PTPRN2: variants seen among roughly 807,000 people sequenced by gnomAD.
PTPRN2 encodes the protein protein tyrosine phosphatase receptor type N2.
In PTPRN2, 74 loss-of-function variants were observed where a neutral mutation model predicts 118.8. That is an observed-to-expected ratio of 0.62 (90% CI 0.52 to 0.76). The LOEUF is 0.76. PTPRN2 is among the 30% of genes least tolerant of loss of function. The pLI is 0.00. For synonymous variants in PTPRN2, 641 were observed against 608.0 expected, an observed-to-expected ratio of 1.05 and a Z score of -0.80; for missense variants, 1,481 against 1,394.4, an observed-to-expected ratio of 1.06 and a Z score of -0.99.
At chr7:158,034,751 C>T (rs981749621) in intron 11 of PTPRN2, among the ~76,000 whole-genome samples, 4 of 152,234 alleles carry the variant, frequency 2.6e-5, no homozygotes, top group African/African-American at 9.6e-5. Flanking sequence ...GTCCCCCAAA[C>T]ACAACAGGGC....
chr7:158,479,062 T>C (rs1319056829), intron 2 of PTPRN2, among the ~76,000 whole-genome samples: 1 of 151,852 alleles, frequency 6.6e-6, no homozygotes, highest in African/African-American at 2.4e-5. Context: ...CGAGTGAGTG[T>C]TTCGGGGGCA....
chr7:157,769,610 T>C (rs949142654), intron 12 of PTPRN2, among the ~76,000 whole-genome samples: 4 of 152,196 alleles, frequency 2.6e-5, no homozygotes, highest in African/African-American at 9.6e-5. Context: ...GGCTTGGCTT[T>C]AGCCACGCCA....
In PTPRN2 at chr7:158,015,984, C is replaced by T. The variant is rs909290544; in HGVS notation, c.1723+65314G>A. Among the ~76,000 whole-genome samples the T allele has an allele frequency of 6.6e-6, 1 of 152,126 alleles. No individual in the cohort carries two copies. The highest frequency in any genetic ancestry group is 2.4e-5 in the African/African-American group (1 of 41,420). ...CTGTGGGGTCCCAGTGTGTCACCTGCGTGGCCTTTTCAGGTTCTGGGGGCC... is the reference window on the plus strand; with the variant it reads ...CTGTGGGGTCCCAGTGTGTCACCTGTGTGGCCTTTTCAGGTTCTGGGGGCC... On this transcript the variant is annotated intron_variant, in intron 11 of 22. Coordinates refer to ENST00000389418, the MANE Select transcript of PTPRN2 (RefSeq NM_002847.5). This position sits in a 1 kb window ranked among gnomAD's most constrained non-coding sequence, Gnocchi z 4.2.
chr7:157,917,011 C>T (rs1416704472), intron 11 of PTPRN2, among the ~76,000 whole-genome samples: 9 of 142,886 alleles, frequency 6.3e-5, no homozygotes, highest in East Asian at 2.1e-4. Context: ...CCGGCCACTC[C>T]GGGACACGTC....
At chr7:158,346,082 T>A (rs138043636) in intron 2 of PTPRN2, among the ~76,000 whole-genome samples, 8 of 152,356 alleles carry the variant, frequency 5.3e-5, no homozygotes, top group African/African-American at 1.9e-4. Flanking sequence ...ATGCTATGAT[T>A]TATGAATACA....
chr7:158,069,096 A>C (rs12112434), intron 11 of PTPRN2, among the ~76,000 whole-genome samples: 34,380 of 152,122 alleles, frequency 0.23, 4,093 homozygotes, highest in South Asian at 0.36. Context: ...CTTGACACTG[A>C]AGACAGTCCA....
At chr7:157,642,663 A>C (rs1413459714) in intron 14 of PTPRN2, among the ~76,000 whole-genome samples, 1 of 151,998 alleles carries the variant, frequency 6.6e-6, no homozygotes, top group Non-Finnish European at 1.5e-5. Context: ...TCCTCCCACA[A>C]CCGTTAATTC....
At chr7:158,006,674 C>T (rs1438061403) in intron 11 of PTPRN2, among the ~76,000 whole-genome samples, 1 of 152,216 alleles carries the variant, frequency 6.6e-6, no homozygotes, top group Admixed American at 6.5e-5. Context: ...TTGGGAGCCA[C>T]CTGGTGTGGC....
rs1035948759 is a variant in PTPRN2, at chr7:157,990,604, C to G, written c.1723+90694G>C. On this transcript the variant is annotated intron_variant, in intron 11 of 22. Transcript: ENST00000389418. The surrounding 1 kb of genome is among the most constrained non-coding windows in gnomAD (Gnocchi z 4.3). ...GACATCGGTGGATGGGGGAGCAGGG[C>G]AGGCTGGGGGTCAGGGCTCAGGGCG... Among the ~76,000 whole-genome samples, 15 of 152,240 alleles carry G rather than the reference C, an allele frequency of 9.9e-5. No homozygotes were observed. Among genetic ancestry groups the G allele is most frequent in the African/African-American group, 3.4e-4 (14 of 41,550 alleles).
chr7:158,123,405 C>T (rs1042729844), intron 9 of PTPRN2, among the ~76,000 whole-genome samples: 30 of 152,194 alleles, frequency 2.0e-4, no homozygotes, highest in African/African-American at 6.5e-4. Flanking sequence ...GTGACCGACG[C>T]CGCAGTGACC....
Position 158,509,149 on chromosome 7 carries a change from G to A in PTPRN2, c.113-19364C>T, listed in dbSNP as rs184910774. On this transcript the variant is annotated intron_variant, in intron 1 of 22. Transcript: ENST00000389418. This position sits in a 1 kb window ranked among gnomAD's most constrained non-coding sequence, Gnocchi z 4.4. ...GAAGGATGAGCTTCTGTTGAAGAGA[G>A]AGGCGCCACACACAGCCTCCACGCA... 6.6e-6 allele frequency among the ~76,000 whole-genome samples: 1 copy of A among 152,240 alleles called. No homozygotes were observed. The highest frequency in any genetic ancestry group is 1.5e-5 in the Non-Finnish European group (1 of 68,014).
chr7:157,800,946 C>T (rs1373085336), intron 12 of PTPRN2, among the ~76,000 whole-genome samples: 5 of 149,924 alleles, frequency 3.3e-5, no homozygotes, highest in South Asian at 2.1e-4. Flanking sequence ...AGAGAGACTC[C>T]GTTTCAAAAA....
chr7:157,687,916 C>T (rs534659042), intron 12 of PTPRN2, among the ~76,000 whole-genome samples: 6 of 152,322 alleles, frequency 3.9e-5, no homozygotes, highest in Admixed American at 2.0e-4. Context: ...TGAGAGAAGT[C>T]AGGCGGAAAT....
At chr7:157,656,610 C>T (rs887362022) in intron 13 of PTPRN2, 59 bp from the exon 14 acceptor site, 25 of 1,416,554 alleles carry the variant, frequency 1.8e-5, no homozygotes, top group South Asian at 3.9e-5. Context: ...CCCAGCAGGA[C>T]GAGGGCCACG....
At chr7:158,523,663 T>G (rs1409290174) in intron 1 of PTPRN2, among the ~76,000 whole-genome samples, 10 of 62,728 alleles carry the variant, frequency 1.6e-4, no homozygotes, top group Admixed American at 9.3e-4. Context: ...TGGAGTGGAG[T>G]CGTCTGCCCT....
intron 13 of PTPRN2, among the ~76,000 whole-genome samples, chr7:157,660,653 G>C (rs1188160954): frequency 6.6e-6 from 1 of 152,200 alleles, no homozygotes; most frequent in Non-Finnish European, 1.5e-5. Flanking sequence ...ATGAGTAAGA[G>C]AGACGTATTA....
At chr7:157,640,857 C>A (rs536751404) in intron 14 of PTPRN2, among the ~76,000 whole-genome samples, 4 of 152,158 alleles carry the variant, frequency 2.6e-5, no homozygotes, top group Non-Finnish European at 2.9e-5. Context: ...CATTTTCAGA[C>A]AAAGAGAAGG....
At chr7:157,879,148 G>A (rs980969554) in intron 12 of PTPRN2, among the ~76,000 whole-genome samples, 5 of 135,166 alleles carry the variant, frequency 3.7e-5, no homozygotes, top group African/African-American at 1.4e-4. Context: ...CCGTGGGGCT[G>A]GACGGGTCAG....
chr7:158,401,830 C>A (rs928781606), intron 2 of PTPRN2, among the ~76,000 whole-genome samples: 4 of 152,064 alleles, frequency 2.6e-5, no homozygotes, highest in Admixed American at 6.5e-5. Flanking sequence ...AGCCTGGAAA[C>A]CAGCAGGTGC....
Sources: gnomAD v4.1 joint callset for allele counts (sites outside exome capture counted in the v4.1 genomes callset) on GRCh38, gnomAD v4.1.1 for gene constraint, Gnocchi (gnomAD v3.1) non-coding constraint, MANE v1.5 for transcripts, NCBI Gene and HGNC (gene_info 2026-07-23, HGNC 2026-07-21) for gene names.